The following HEMGN variants were observed in gnomAD, a reference collection of about 807,000 sequenced individuals.
HEMGN encodes the protein hemogen.
Under a neutral mutation model 45.7 loss-of-function variants are expected in HEMGN, and 32 were observed. The observed-to-expected ratio is 0.70, with a 90% CI of 0.53 to 0.94. The LOEUF (loss-of-function observed/expected upper bound fraction) is 0.94. HEMGN is among the 40% of genes least tolerant of loss of function. The pLI is 0.00. For synonymous variants in HEMGN, 183 were observed against 178.6 expected (o/e 1.02, Z -0.20); for missense variants, 530 against 564.2 (o/e 0.94, Z 0.61).
At chr9:97,933,532 A>T (rs945255970) in intron 2 of HEMGN, among the ~76,000 whole-genome samples, 2 of 152,220 alleles carry the variant, frequency 1.3e-5, no homozygotes, top group African/African-American at 2.4e-5. Context: ...AGAAACCCTG[A>T]GTATGAGTTT....
rs767988324 is a variant in HEMGN, at chr9:97,927,430, T to A, written c.1409A>T (p.Asn470Ile). The A allele has an allele frequency of 1.9e-6, 3 of 1,610,560 alleles. No homozygotes were observed. The highest frequency in any genetic ancestry group is 4.5e-5 in the East Asian group (2 of 44,754). Residue 470 changes from asparagine to isoleucine, a missense_variant, in exon 4 of 4, where the codon AAT (asparagine) becomes ATT (isoleucine). By Grantham distance (149) the Asn-to-Ile change is moderately radical (BLOSUM62 -3). Transcript: ENST00000616898. ...GACATCATTTTCTGGATGACTCTCATTCAGAATTGCTGGTATTCCTGGCTC... is the reference window on the plus strand; with the variant it reads ...GACATCATTTTCTGGATGACTCTCAATCAGAATTGCTGGTATTCCTGGCTC... ...KEEPGIPAILNESHPENDVYS... is the reference protein window; with the variant it reads ...KEEPGIPAILIESHPENDVYS...
chr9:97,937,010 G>A (rs560797736), intron 1 of HEMGN, among the ~76,000 whole-genome samples: 2 of 152,222 alleles, frequency 1.3e-5, no homozygotes, highest in East Asian at 3.9e-4. Flanking sequence ...GCTTCCTAGA[G>A]CCTGTGAAGT....
At chr9:97,939,516 C>G (rs140364890), upstream of HEMGN, among the ~76,000 whole-genome samples, 920 of 152,282 alleles carry the variant, frequency 6.0e-3, 11 homozygotes, top group African/African-American at 0.021. Flanking sequence ...CCAAAATCAT[C>G]TAGTCCCTGC....
chr9:97,943,608 A>G (rs1274614273), intron 1 of HEMGN, among the ~76,000 whole-genome samples: 1 of 152,182 alleles, frequency 6.6e-6, no homozygotes, highest in Non-Finnish European at 1.5e-5. Flanking sequence ...CTGTTAGAGT[A>G]TAGACAAACA....
chr9:97,940,546 G>A (rs889309085), upstream of HEMGN, among the ~76,000 whole-genome samples: 1 of 152,078 alleles, frequency 6.6e-6, no homozygotes, highest in Non-Finnish European at 1.5e-5. Context: ...GACAGAAGTA[G>A]CCTACAGTAA....
upstream of HEMGN, among the ~76,000 whole-genome samples, chr9:97,941,673 GA>G (rs1478605981): frequency 4.6e-5 from 7 of 152,202 alleles, no homozygotes; most frequent in African/African-American, 1.7e-4. Flanking sequence ...CACAGATCAG[GA>G]AGATTGGGAG....
chr9:97,941,388 G>A (rs914769259), upstream of HEMGN, among the ~76,000 whole-genome samples: 4 of 152,154 alleles, frequency 2.6e-5, no homozygotes, highest in Non-Finnish European at 5.9e-5. Flanking sequence ...GAGATGGGTA[G>A]TCATGGCATG....
chr9:97,927,732 A>G (rs1826856083), intron 3 of HEMGN, among the ~76,000 whole-genome samples: 1 of 152,204 alleles, frequency 6.6e-6, no homozygotes, highest in African/African-American at 2.4e-5. Context: ...AAAATTATAT[A>G]TGGTGAAAAC....
At chr9:97,936,323 G>A in intron 1 of HEMGN, 59 bp from the exon 2 acceptor site, 1 of 1,169,908 alleles carries the variant, frequency 8.5e-7, no homozygotes, top group South Asian at 1.2e-5. Flanking sequence ...ATCAGCAAAA[G>A]TCCTGTAGCC....
rs113112356 is a variant in HEMGN, at chr9:97,927,172, C to G, written c.*212G>C. 174 of 116,494 alleles carry G rather than the reference C, an allele frequency of 1.5e-3. No homozygotes were observed. In the Middle Eastern group the frequency reaches 0.018, roughly 12 times the overall value. The allele number at this position is 116,494 out of a possible 1,614,324, so 7.2% of individuals were successfully genotyped here. ...TCTCCCCGACCTATACATACATACACACACACACACACACACACACACACA... is the reference window on the plus strand; with the variant it reads ...TCTCCCCGACCTATACATACATACAGACACACACACACACACACACACACA... On this transcript the variant is annotated 3_prime_UTR_variant, in exon 4 of 4. Transcript: ENST00000616898.
At chr9:97,937,552 A>AT (rs1827085686) in intron 1 of HEMGN, among the ~76,000 whole-genome samples, 2 of 152,036 alleles carry the variant, frequency 1.3e-5, no homozygotes, top group Admixed American at 6.5e-5. Context: ...CTATATAATA[A>AT]TTTTTTATTT....
At chr9:97,933,644 C>G (rs940519256) in intron 2 of HEMGN, among the ~76,000 whole-genome samples, 7 of 152,092 alleles carry the variant, frequency 4.6e-5, no homozygotes, top group African/African-American at 1.7e-4. Context: ...TATTTATTTT[C>G]CATAATATTT....
At chr9:97,928,423 G>T (rs1826874640) in intron 3 of HEMGN, among the ~76,000 whole-genome samples, 1 of 152,148 alleles carries the variant, frequency 6.6e-6, no homozygotes, top group South Asian at 2.1e-4. Context: ...CACCTGTCTC[G>T]TGTGAATTGC....
intron 1 of HEMGN, among the ~76,000 whole-genome samples, chr9:97,936,561 G>T (rs76420042): frequency 6.6e-6 from 1 of 152,096 alleles, no homozygotes; most frequent in Non-Finnish European, 1.5e-5. Flanking sequence ...AATGAAAAAA[G>T]TAGCCATATT....
At chr9:97,935,017 T>C (rs1827032266) in intron 2 of HEMGN, among the ~76,000 whole-genome samples, 4 of 152,226 alleles carry the variant, frequency 2.6e-5, no homozygotes, top group Non-Finnish European at 5.9e-5. Flanking sequence ...GAGGGAACCC[T>C]GGATGCTGGC....
chr9:97,944,515 A>G (rs1211382049), intron 1 of HEMGN, among the ~76,000 whole-genome samples: 1 of 152,124 alleles, frequency 6.6e-6, no homozygotes, highest in Non-Finnish European at 1.5e-5. Context: ...GCATTGGAAA[A>G]GCTCCCTAAG....
intron 2 of HEMGN, among the ~76,000 whole-genome samples, chr9:97,933,558 A>C (rs1451476510): frequency 6.6e-6 from 1 of 152,202 alleles, no homozygotes; most frequent in Non-Finnish European, 1.5e-5. Context: ...GGGGTAGTGA[A>C]GTAATACACA....
At chr9:97,936,001 T>A (rs1000736294) in intron 2 of HEMGN, among the ~76,000 whole-genome samples, 170 bp downstream of exon 2, 2 of 152,238 alleles carry the variant, frequency 1.3e-5, no homozygotes, top group African/African-American at 4.8e-5. Flanking sequence ...GCAAGAGGTG[T>A]AACTCACTGG....
chr9:97,929,979 G>GTC, intron 3 of HEMGN, 56 bp downstream of exon 3: 1 of 1,289,098 alleles, frequency 7.8e-7, no homozygotes, highest in Non-Finnish European at 1.1e-6. Flanking sequence ...AGAGAAAGTT[G>GTC]TAAATCACTA....
Sources: gnomAD v4.1 joint callset for allele counts (sites outside exome capture counted in the v4.1 genomes callset) on GRCh38, gnomAD v4.1.1 for gene constraint, MANE v1.5 for transcripts, NCBI Gene and HGNC (gene_info 2026-07-23, HGNC 2026-07-21) for gene names.